NR1H4: variants seen among roughly 807,000 people sequenced by gnomAD.
NR1H4 encodes the protein bile acid receptor.
A neutral mutation model predicts 58.5 loss-of-function variants in NR1H4; 23 were observed. That is an observed-to-expected ratio of 0.39 (90% CI 0.28 to 0.56). The LOEUF (loss-of-function observed/expected upper bound fraction) is 0.56, where lower values mean the gene tolerates loss of function less well. Ranked by LOEUF, NR1H4 falls within the 20% of genes least tolerant of loss-of-function variation. The pLI, the probability that NR1H4 is intolerant of heterozygous loss-of-function variation, is 0.58. For synonymous variants in NR1H4, 214 were observed against 198.0 expected (o/e 1.08, Z -0.68); for missense variants, 487 against 576.9 (o/e 0.84, Z 1.60).
At chr12:100,533,890 C>CTTTTTTTTTTTTTTT (rs758465149) in intron 5 of NR1H4, among the ~76,000 whole-genome samples, 28 of 143,396 alleles carry the variant, frequency 2.0e-4, no homozygotes, top group Non-Finnish European at 2.3e-4. Context: ...TAATAGCTCT[C>CTTTTTTTTTTTTTTT]TTTTTTTTTT....
At chr12:100,539,376 G>A (rs982626873) in intron 8 of NR1H4, among the ~76,000 whole-genome samples, 3 of 152,046 alleles carry the variant, frequency 2.0e-5, no homozygotes, top group Non-Finnish European at 4.4e-5. Context: ...AGTATTCATT[G>A]AGCACAACCT....
At chr12:100,538,107 G>A (rs1483238440) in intron 8 of NR1H4, among the ~76,000 whole-genome samples, 1 of 152,146 alleles carries the variant, frequency 6.6e-6, no homozygotes. Context: ...TAGTGTCTGT[G>A]GTGGGCTCCT....
At chr12:100,552,947 C>G (rs1311017726) in intron 9 of NR1H4, among the ~76,000 whole-genome samples, 1 of 151,818 alleles carries the variant, frequency 6.6e-6, no homozygotes, top group Non-Finnish European at 1.5e-5. Context: ...ATGGAGCACC[C>G]TTTATGGGTC....
intron 3 of NR1H4, among the ~76,000 whole-genome samples, chr12:100,494,514 T>C (rs900813845): frequency 6.6e-6 from 1 of 152,244 alleles, no homozygotes; most frequent in South Asian, 2.1e-4. Context: ...AAAAAACAGA[T>C]GTTGATCCGT....
At chr12:100,529,647 G>A (rs545519769) in intron 4 of NR1H4, among the ~76,000 whole-genome samples, 1 of 152,062 alleles carries the variant, frequency 6.6e-6, no homozygotes, top group South Asian at 2.1e-4. Flanking sequence ...TTTTCCGAAT[G>A]TCTTTCCTCC....
At chr12:100,522,209 T>C (rs767167870) in intron 4 of NR1H4, among the ~76,000 whole-genome samples, 1 of 152,116 alleles carries the variant, frequency 6.6e-6, no homozygotes, top group African/African-American at 2.4e-5. Context: ...ATGGTAATTA[T>C]GGTAATGTTG....
chr12:100,522,848 C>T, intron 4 of NR1H4, among the ~76,000 whole-genome samples: 1 of 152,088 alleles, frequency 6.6e-6, no homozygotes, highest in Non-Finnish European at 1.5e-5. Flanking sequence ...AGAATAATGG[C>T]CTTCTGCTCT....
rs755615601 is a variant in NR1H4 at position 100,563,346 on chromosome 12, A to G, written c.1288A>G (p.Asn430Asp). 1 of 1,614,148 alleles carries G rather than the reference A, an allele frequency of 6.2e-7. No homozygotes were observed. Among genetic ancestry groups the G allele is most frequent in the South Asian group, 1.1e-5 (1 of 91,074 alleles). ...GTTGTGTAAGATTCACCAGCCTGAA[A>G]ATCCTCAACACTTTGCCTGTCTCCT... is the stretch of plus-strand genomic sequence containing the variant. The part of the protein sequence containing the change: ...QKLCKIHQPE[N>D]PQHFACLLGR... The change falls in exon 11 of 11, where the codon AAT (asparagine) becomes GAT (aspartate). Residue 430 changes from asparagine to aspartate, a missense_variant. Physicochemically the swap from Asn to Asp is conservative, Grantham distance 23 (BLOSUM62 1). Coordinates refer to ENST00000392986, the MANE Select transcript of NR1H4 (RefSeq NM_001206979.2).
intron 5 of NR1H4, among the ~76,000 whole-genome samples, chr12:100,533,631 C>T (rs1347312958): frequency 6.6e-6 from 1 of 152,224 alleles, no homozygotes; most frequent in East Asian, 1.9e-4. Context: ...CACTGCACAG[C>T]TCATATAGCT....
At chr12:100,487,681 G>A (rs775276109) in intron 1 of NR1H4, among the ~76,000 whole-genome samples, 2 of 146,158 alleles carry the variant, frequency 1.4e-5, no homozygotes, top group Non-Finnish European at 3.0e-5. Context: ...GCGTGATCTC[G>A]AGTTACTGCA....
rs1953265182 is a variant in NR1H4, at chr12:100,476,129, A to T, written c.-190+2070A>T. Among the ~76,000 whole-genome samples the T allele has an allele frequency of 2.0e-5, 3 of 152,178 alleles. No individual in the cohort carries two copies. In the South Asian group the frequency reaches 6.2e-4, roughly 32 times the overall value. On this transcript the variant is annotated intron_variant, in intron 1 of 10. Transcript: ENST00000392986. ...AGGCAGATAGTTAGGAAGTAGCGGG[A>T]CCTGAACTTGAGGGCGGGTCTTTCT...
At chr12:100,515,316 C>T (rs922026131) in intron 4 of NR1H4, among the ~76,000 whole-genome samples, 11 of 151,854 alleles carry the variant, frequency 7.2e-5, no homozygotes, top group African/African-American at 2.2e-4. Context: ...GGCTTACAGG[C>T]GCCCTCCACT....
Position 100,536,454 on chromosome 12 carries a change from T to C in NR1H4, c.733-58T>C, listed in dbSNP as rs80216460. ...AGGTCCCTCCAGATGAATGCACATA[T>C]AGAAAGAAGGCTTTATACACATCTT... On this transcript the variant is annotated intron_variant, in intron 6 of 10. Coordinates refer to ENST00000392986, the MANE Select transcript of NR1H4 (RefSeq NM_001206979.2). The C allele has an allele frequency of 4.1e-4, 414 of 998,504 alleles. 3 individuals carry two copies. In the African/African-American group the frequency reaches 6.0e-3, roughly 14 times the overall value. The allele number at this position is 998,504 out of a possible 1,614,324, so 61.9% of individuals were successfully genotyped here.
At chr12:100,548,181 C>T (rs1237233217) in intron 9 of NR1H4, among the ~76,000 whole-genome samples, 1 of 150,138 alleles carries the variant, frequency 6.7e-6, no homozygotes, top group Non-Finnish European at 1.5e-5. Context: ...TCCTGGCTAA[C>T]ATGGTGAAAC....
At chr12:100,483,700 CA>C in intron 1 of NR1H4, among the ~76,000 whole-genome samples, 1 of 151,884 alleles carries the variant, frequency 6.6e-6, no homozygotes, top group South Asian at 2.1e-4. Flanking sequence ...AATATATTTC[CA>C]GGTCAGGCGC....
chr12:100,531,331 C>T (rs1398939143), intron 4 of NR1H4, among the ~76,000 whole-genome samples: 1 of 152,010 alleles, frequency 6.6e-6, no homozygotes. Context: ...TGGGCGGCGC[C>T]TGTCATCCTA....
intron 3 of NR1H4, among the ~76,000 whole-genome samples, chr12:100,495,856 A>G (rs1234602761): frequency 1.3e-5 from 2 of 152,042 alleles, no homozygotes; most frequent in Non-Finnish European, 2.9e-5. Context: ...GATGGCTTCT[A>G]TGGCCCCTTC....
chr12:100,511,162 C>A lies in NR1H4; in HGVS notation c.445+19C>A. The A allele has an allele frequency of 6.2e-7, 1 of 1,614,178 alleles. No homozygotes were observed. The highest frequency in any genetic ancestry group is 8.5e-7 in the Non-Finnish European group (1 of 1,180,008). On this transcript the variant is annotated intron_variant, in intron 4 of 10. Coordinates refer to ENST00000392986, the MANE Select transcript of NR1H4 (RefSeq NM_001206979.2). Reference sequence around the variant, plus strand: ...TGTAAAGGTAAGCATCTTTGATTGGCAGTTTTCTCCTTCAGGTTTTACTAT... The same window carrying A: ...TGTAAAGGTAAGCATCTTTGATTGGAAGTTTTCTCCTTCAGGTTTTACTAT...
At chr12:100,486,003 TG>T (rs1953483934) in intron 1 of NR1H4, among the ~76,000 whole-genome samples, 1 of 152,234 alleles carries the variant, frequency 6.6e-6, no homozygotes, top group Non-Finnish European at 1.5e-5. Context: ...GAACTTTTTT[TG>T]TACATGTCAC....
Sources: gnomAD v4.1 joint callset for allele counts (sites outside exome capture counted in the v4.1 genomes callset) on GRCh38, gnomAD v4.1.1 for gene constraint, MANE v1.5 for transcripts, NCBI Gene and HGNC (gene_info 2026-07-23, HGNC 2026-07-21) for gene names.